The following FAM13C variants were observed in gnomAD, a reference collection of about 807,000 sequenced individuals.
FAM13C encodes the protein family with sequence similarity 13 member C, also known as protein FAM13C.
In FAM13C, 37 loss-of-function variants were observed where a neutral mutation model predicts 73.2. The observed-to-expected ratio is 0.51, with a 90% CI of 0.39 to 0.67. The LOEUF (loss-of-function observed/expected upper bound fraction) is 0.67. Ranked by LOEUF, FAM13C falls within the 30% of genes least tolerant of loss-of-function variation. The pLI is 0.00. For missense variants in FAM13C, 589 were observed against 715.6 expected, an observed-to-expected ratio of 0.82 and a Z score of 2.02; for synonymous variants, 246 against 260.9, an observed-to-expected ratio of 0.94 and a Z score of 0.55.
chr10:59,337,667 C>CTTTTTTTTTTTTTTTTTTTTTTTT (rs3078327), intron 3 of FAM13C, among the ~76,000 whole-genome samples: 5 of 70,998 alleles, frequency 7.0e-5, no homozygotes, highest in Non-Finnish European at 7.7e-5. Flanking sequence ...TTTTCTTTTT[C>CTTTTTTTTTTTTTTTTTTTTTTTT]TTTTTTTTTT....
At chr10:59,303,494 A>G (rs1159456945) in intron 4 of FAM13C, among the ~76,000 whole-genome samples, 1 of 152,212 alleles carries the variant, frequency 6.6e-6, no homozygotes, top group Non-Finnish European at 1.5e-5. Flanking sequence ...ATGTGATCTG[A>G]TACAGTTGCA....
chr10:59,321,750 C>A (rs1190237211), intron 4 of FAM13C, among the ~76,000 whole-genome samples: 1 of 152,030 alleles, frequency 6.6e-6, no homozygotes, highest in Non-Finnish European at 1.5e-5. Flanking sequence ...TGACCTCAAT[C>A]CGCTCCAAAA....
intron 3 of FAM13C, among the ~76,000 whole-genome samples, chr10:59,324,344 G>T (rs1850791409): frequency 1.3e-5 from 2 of 151,970 alleles, no homozygotes; most frequent in African/African-American, 4.8e-5. Context: ...ATGTCCAAAA[G>T]ATATGGTATA....
At chr10:59,258,422 G>T (rs1418420246) in intron 10 of FAM13C, among the ~76,000 whole-genome samples, 1 of 152,218 alleles carries the variant, frequency 6.6e-6, no homozygotes, top group East Asian at 1.9e-4. Flanking sequence ...GTTCATGGCT[G>T]CAGTGAGCTA....
At chr10:59,317,140 G>A (rs1315360796) in intron 4 of FAM13C, among the ~76,000 whole-genome samples, 1 of 151,856 alleles carries the variant, frequency 6.6e-6, no homozygotes, top group African/African-American at 2.4e-5. Context: ...GTGTGTGTGT[G>A]TGTGTGTGTG....
intron 5 of FAM13C, among the ~76,000 whole-genome samples, chr10:59,284,693 C>T (rs1169965629): frequency 6.6e-6 from 1 of 151,110 alleles, no homozygotes; most frequent in African/African-American, 2.4e-5. Flanking sequence ...TCATACCAAA[C>T]CCCCATACTC....
intron 3 of FAM13C, among the ~76,000 whole-genome samples, chr10:59,346,279 C>T (rs915481055): frequency 6.6e-6 from 1 of 152,160 alleles, no homozygotes; most frequent in Non-Finnish European, 1.5e-5. Flanking sequence ...AAGAACTATG[C>T]TCTACAATAC....
intron 3 of FAM13C, among the ~76,000 whole-genome samples, chr10:59,333,509 A>C (rs1852289665): frequency 6.6e-6 from 1 of 152,116 alleles, no homozygotes; most frequent in Non-Finnish European, 1.5e-5. Flanking sequence ...ATAAATAAAA[A>C]TAAGTTTTAA....
intron 4 of FAM13C, among the ~76,000 whole-genome samples, chr10:59,308,762 C>A (rs10509100): frequency 0.092 from 13,948 of 152,274 alleles, 722 homozygotes; most frequent in South Asian, 0.17. Context: ...TAGCCTATGA[C>A]TACAAACTTG....
At chr10:59,262,748 A>G in intron 9 of FAM13C, 103 bp from the exon 10 acceptor site, 3 of 923,536 alleles carry the variant, frequency 3.2e-6, no homozygotes, top group Non-Finnish European at 4.9e-6. Context: ...ATCTGTAGAA[A>G]TGAACACTAA....
chr10:59,259,758 G>A (rs1323015199), intron 10 of FAM13C, among the ~76,000 whole-genome samples: 7 of 152,078 alleles, frequency 4.6e-5, no homozygotes, highest in Non-Finnish European at 1.0e-4. Context: ...TTTATACAGG[G>A]TGACTTCCAC....
intron 5 of FAM13C, among the ~76,000 whole-genome samples, chr10:59,290,716 G>A (rs1379132146): frequency 6.6e-6 from 1 of 152,136 alleles, no homozygotes; most frequent in African/African-American, 2.4e-5. Flanking sequence ...GTAATTTTGT[G>A]TATTGTTTAT....
chr10:59,329,437 GCAAATTCTGCGTCCCAGGTT>G, intron 3 of FAM13C, among the ~76,000 whole-genome samples: 1 of 126,782 alleles, frequency 7.9e-6, no homozygotes, highest in Admixed American at 1.0e-4. Context: ...TCGACTCACT[GCAAATTCTGCGTCCCAGGTT>G]CAAGCGATTC....
chr10:59,325,090 T>C (rs190032517), intron 3 of FAM13C, among the ~76,000 whole-genome samples: 20 of 152,260 alleles, frequency 1.3e-4, no homozygotes, highest in African/African-American at 4.6e-4. Flanking sequence ...AAAACAAAAA[T>C]CTGCGAGAAA....
In FAM13C at chr10:59,283,464, G is replaced by A. The variant is rs200000729; in HGVS notation, c.508-17C>T. 6.8e-6 allele frequency: 11 copies of A among 1,613,566 alleles called. No individual in the cohort carries two copies. In the African/African-American group the frequency reaches 9.3e-5, roughly 14 times the overall value. On this transcript the variant is annotated splice_polypyrimidine_tract_variant and intron_variant, in intron 5 of 13. Coordinates refer to ENST00000618804, the MANE Select transcript of FAM13C (RefSeq NM_198215.4). ...AGCTTCTTCCTGGTTTGTTAAAAATGCAGAGCACAGATCAGATTCGAGGGC... is the reference window on the plus strand; with the variant it reads ...AGCTTCTTCCTGGTTTGTTAAAAATACAGAGCACAGATCAGATTCGAGGGC...
intron 1 of FAM13C, among the ~76,000 whole-genome samples, chr10:59,360,128 T>C (rs1163143971): frequency 6.6e-6 from 1 of 152,190 alleles, no homozygotes; most frequent in Admixed American, 6.5e-5. Context: ...CCCTTTCCCC[T>C]TGACTCTTCT....
chr10:59,247,457 T>G lies in FAM13C; in HGVS notation c.*157A>C. On this transcript the variant is annotated 3_prime_UTR_variant, in exon 14 of 14. Transcript: ENST00000618804. ...CCCCCGTTTAAATCCCTTCTCCTTG[T>G]ATATAATTAAACTTGCTATTCCTTC... 1.2e-6 allele frequency: 1 copy of G among 852,992 alleles called. No individual in the cohort carries two copies. Among genetic ancestry groups the G allele is most frequent in the Non-Finnish European group, 1.9e-6 (1 of 539,810 alleles). 52.8% of individuals were successfully genotyped at this position (852,992 alleles called of 1,614,324 possible). A position where few individuals can be genotyped will look rare whatever the true frequency, so the allele number is the denominator to read the frequency against.
rs531652186 is a variant in FAM13C at position 59,339,284 on chromosome 10, G to A, written c.324+12986C>T. On this transcript the variant is annotated intron_variant, in intron 3 of 13. Coordinates refer to ENST00000618804, the MANE Select transcript of FAM13C (RefSeq NM_198215.4). ...ACATTCTGAGGTTCCAAGTGGACAC[G>A]AATTTGAAGGGGGACACTACTCAAC... is the stretch of plus-strand genomic sequence containing the variant. Among the ~76,000 whole-genome samples the A allele has an allele frequency of 3.3e-5, 5 of 152,168 alleles. No homozygotes were observed. In the South Asian group the frequency reaches 6.2e-4, roughly 19 times the overall value.
intron 5 of FAM13C, among the ~76,000 whole-genome samples, chr10:59,287,054 A>G (rs1029476261): frequency 1.5e-5 from 2 of 135,280 alleles, no homozygotes; most frequent in African/African-American, 2.8e-5. Flanking sequence ...AAAAAAAAAA[A>G]GGCCAGGTGT....
Sources: allele counts gnomAD v4.1 joint callset (sites outside exome capture counted in the v4.1 genomes callset), GRCh38; gene constraint gnomAD v4.1.1; transcripts MANE v1.5; gene names NCBI Gene and HGNC (gene_info 2026-07-23, HGNC 2026-07-21).